Variants in NTM observed in about 807,000 individuals in gnomAD.
NTM encodes the protein IgLON family member 2.
A neutral mutation model predicts 42.1 loss-of-function variants in NTM; 13 were observed. That is an observed-to-expected ratio of 0.31 (90% confidence interval 0.20 to 0.49). The LOEUF (loss-of-function observed/expected upper bound fraction) is 0.49. Among genes scored for constraint, NTM ranks in the 20% least tolerant of loss-of-function variants. NTM has a pLI of 0.99. For missense variants in NTM, 373 were observed against 452.8 expected (o/e 0.82, Z 1.60); for synonymous variants, 187 against 179.2 (o/e 1.04, Z -0.35).
chr11:132,330,150 T>A lies in NTM; in HGVS notation c.935-3T>A. 1.3e-6 allele frequency: 2 copies of A among 1,551,744 alleles called. No individual in the cohort carries two copies. Among genetic ancestry groups the A allele is most frequent in the Non-Finnish European group, 1.7e-6 (2 of 1,146,992 alleles). On this transcript the variant is annotated splice_region_variant and splice_polypyrimidine_tract_variant and intron_variant, in intron 7 of 8. Coordinates refer to ENST00000683400, the MANE Select transcript of NTM (RefSeq NM_001352005.2). ...ACAGTGGCTTGTTTTTAATTTCTTT[T>A]AGAAGTGAAAACTACAGCCCTGACC...
Position 132,335,126 on chromosome 11 carries a change from C to A in NTM, c.1048C>A (p.His350Asn), listed in dbSNP as rs1201543271. ...CTGGCTGCTGCCTCTTCTGGTCTTG[C>A]ACCTGCTTCTCAAATTTTGATGTGA... is the stretch of plus-strand genomic sequence containing the variant. ...CVWLLPLLVL[H>N]LLLKF The change falls in exon 9 of 9, where the codon CAC (histidine) becomes AAC (asparagine). Residue 350 changes from histidine to asparagine, a missense_variant. Physicochemically the swap from His to Asn is moderately conservative, Grantham distance 68. Transcript: ENST00000683400. 6.2e-7 allele frequency: 1 copy of A among 1,612,640 alleles called. No individual in the cohort carries two copies. Among genetic ancestry groups the A allele is most frequent in the South Asian group, 1.1e-5 (1 of 91,072 alleles).
intron 1 of NTM, among the ~76,000 whole-genome samples, chr11:131,775,915 T>G (rs191212580): frequency 6.6e-6 from 1 of 152,122 alleles, no homozygotes; most frequent in Admixed American, 6.5e-5. Flanking sequence ...GATAGTGCAT[T>G]TATTAGGGCA....
chr11:131,600,466 T>C (rs2137412822), intron 1 of NTM, among the ~76,000 whole-genome samples: 1 of 152,308 alleles, frequency 6.6e-6, no homozygotes, highest in South Asian at 2.1e-4. Flanking sequence ...TTTCATTCCA[T>C]TTAGCAGCAA....
At chr11:131,834,539 C>A (rs2043222688) in intron 1 of NTM, among the ~76,000 whole-genome samples, 1 of 150,902 alleles carries the variant, frequency 6.6e-6, no homozygotes, top group Admixed American at 6.6e-5. Context: ...TCACCTTCAT[C>A]ATCACCCCCA....
rs77006167 is a variant in NTM, at chr11:132,056,579, A to G, written c.168-89703A>G. Among the ~76,000 whole-genome samples, 1,447 of 152,340 alleles carry G rather than the reference A, an allele frequency of 9.5e-3. 20 individuals are homozygous for G. Among genetic ancestry groups the G allele is most frequent in the African/African-American group, 0.032 (1,312 of 41,560 alleles). Reference sequence around the variant, plus strand: ...AATACATGAATGAATACGTCAATGAATGAATTAATCAATGAATGGAGAGAC... The same window carrying G: ...AATACATGAATGAATACGTCAATGAGTGAATTAATCAATGAATGGAGAGAC... On this transcript the variant is annotated intron_variant, in intron 2 of 8. Coordinates refer to ENST00000683400, the MANE Select transcript of NTM (RefSeq NM_001352005.2).
chr11:132,271,116 G>A (rs191260314), intron 4 of NTM, among the ~76,000 whole-genome samples: 231 of 152,168 alleles, frequency 1.5e-3, no homozygotes, highest in Admixed American at 3.4e-3. Context: ...AACCACTAGT[G>A]TACTTTCTTT....
chr11:131,921,248 G>A (rs2057180805), intron 2 of NTM, among the ~76,000 whole-genome samples: 1 of 152,176 alleles, frequency 6.6e-6, no homozygotes, highest in Admixed American at 6.5e-5. Flanking sequence ...GGTCATACTA[G>A]AGTAGAGTGT....
intron 1 of NTM, among the ~76,000 whole-genome samples, chr11:131,646,395 T>A (rs1455078371): frequency 1.3e-5 from 2 of 152,124 alleles, no homozygotes; most frequent in Non-Finnish European, 2.9e-5. Context: ...AGAAAAAAAA[T>A]TCTACAAGTC....
intron 1 of NTM, among the ~76,000 whole-genome samples, chr11:131,772,836 A>G (rs1041727899): frequency 1.3e-5 from 2 of 152,242 alleles, no homozygotes; most frequent in Non-Finnish European, 2.9e-5. Flanking sequence ...CAAGAGGATG[A>G]GAAAGGAGGA....
chr11:131,977,275 G>T (rs925432479), intron 2 of NTM, among the ~76,000 whole-genome samples: 2 of 152,242 alleles, frequency 1.3e-5, no homozygotes, highest in African/African-American at 4.8e-5. Context: ...TACATTATAT[G>T]CCTTCAGTGC....
chr11:132,011,190 C>A (rs2072088944), intron 2 of NTM, among the ~76,000 whole-genome samples: 1 of 151,092 alleles, frequency 6.6e-6, no homozygotes, highest in South Asian at 2.1e-4. Context: ...AAAGTCACCT[C>A]TAGTGAAAAT....
chr11:131,906,513 C>A (rs78351672), intron 1 of NTM, among the ~76,000 whole-genome samples: 1 of 152,044 alleles, frequency 6.6e-6, no homozygotes, highest in African/African-American at 2.4e-5. Flanking sequence ...TGTGATGTTA[C>A]GAGTCCAGGG....
intron 1 of NTM, among the ~76,000 whole-genome samples, chr11:131,862,575 T>C (rs1032228322): frequency 1.4e-4 from 21 of 152,234 alleles, no homozygotes; most frequent in Non-Finnish European, 2.2e-4. Context: ...ATGGTAAGGT[T>C]ATATTTTAAA....
Position 131,598,844 on chromosome 11 carries a change from TCTTTCTTC to T in NTM, c.82+227960_82+227967del, listed in dbSNP as rs200807938. Among the ~76,000 whole-genome samples, 53 of 37,420 alleles carry T rather than the reference TCTTTCTTC, an allele frequency of 1.4e-3. 4 individuals carry two copies. The highest frequency in any genetic ancestry group is 4.2e-3 in the African/African-American group (51 of 12,122). The allele number at this position is 37,420 out of a possible 152,430, so 24.5% of individuals were successfully genotyped here. ...TTTCTTTCTTCTTTCTTTCTTTCTT[TCTTTCTTC>T]CTTCCTTCCTTCCTTCCTTCCTTCT... On this transcript the variant is annotated intron_variant, in intron 1 of 8. Transcript: ENST00000683400.
At chr11:131,961,830 C>T (rs1324705492) in intron 2 of NTM, among the ~76,000 whole-genome samples, 1 of 152,154 alleles carries the variant, frequency 6.6e-6, no homozygotes, top group East Asian at 1.9e-4. Flanking sequence ...CACCTTTTGT[C>T]AGGAGTCACC....
intron 1 of NTM, among the ~76,000 whole-genome samples, chr11:131,794,001 A>G (rs1235542036): frequency 6.6e-6 from 1 of 152,206 alleles, no homozygotes; most frequent in Non-Finnish European, 1.5e-5. Context: ...CATTTTTCTA[A>G]GCCGAGACTG....
chr11:131,411,540 C>CGTGTGTGTGT (rs5795724), intron 1 of NTM, among the ~76,000 whole-genome samples: 26 of 129,766 alleles, frequency 2.0e-4, no homozygotes, highest in East Asian at 2.0e-3. Context: ...TAGGGGGGGC[C>CGTGTGTGTGT]GTGTGTGTGT....
rs147739344 is a variant in NTM, at chr11:131,770,226, G to A, written c.83-141338G>A. ...TCGATTTGCCTGTCCCCTGACAGAG[G>A]AGACCAGAAGTCCCCGCTGAGCAGC... is the stretch of plus-strand genomic sequence containing the variant. On this transcript the variant is annotated intron_variant, in intron 1 of 8. Coordinates refer to ENST00000683400, the MANE Select transcript of NTM (RefSeq NM_001352005.2). Among the ~76,000 whole-genome samples the A allele has an allele frequency of 2.1e-3, 318 of 152,302 alleles. 1 individual carries two copies. Among genetic ancestry groups the A allele is most frequent in the Admixed American group, 5.5e-3 (84 of 15,304 alleles).
At chr11:132,181,955 T>TTTTATTA (rs375282575) in intron 3 of NTM, among the ~76,000 whole-genome samples, 1 of 141,018 alleles carries the variant, frequency 7.1e-6, no homozygotes, top group Non-Finnish European at 1.5e-5. Context: ...CACTATCTAG[T>TTTTATTA]TTATTATTAT....
Sources: allele counts gnomAD v4.1 joint callset (sites outside exome capture counted in the v4.1 genomes callset), GRCh38; gene constraint gnomAD v4.1.1; transcripts MANE v1.5; gene names NCBI Gene and HGNC (gene_info 2026-07-23, HGNC 2026-07-21).